The following LAMA3 variants were observed in gnomAD, a reference collection of about 807,000 sequenced individuals.
LAMA3 encodes the protein laminin subunit alpha 3.
A neutral mutation model predicts 402.0 loss-of-function variants in LAMA3; 281 were observed. The ratio of observed to expected loss-of-function variants is 0.70; its 90% confidence interval spans 0.63 to 0.77. The LOEUF (loss-of-function observed/expected upper bound fraction) is 0.77. Ranked by LOEUF, LAMA3 falls within the 30% of genes least tolerant of loss-of-function variation. LAMA3 has a pLI of 0.00. For synonymous variants in LAMA3, 1,431 were observed against 1,558.4 expected, an observed-to-expected ratio of 0.92 and a Z score of 1.93; for missense variants, 3,840 against 4,215.5, an observed-to-expected ratio of 0.91 and a Z score of 2.47.
chr18:23,723,973 C>G lies in LAMA3; in HGVS notation c.447+9901C>G, dbSNP rs554007915. ...GGGTGATCTGTCAGATTTTGGTGCA[C>G]CCGTCACCCAAGCAGTATACACTGC... On this transcript the variant is annotated intron_variant, in intron 2 of 74. Coordinates refer to ENST00000313654, the MANE Select transcript of LAMA3 (RefSeq NM_198129.4). Among the ~76,000 whole-genome samples the G allele has an allele frequency of 5.3e-5, 8 of 152,040 alleles. 1 individual carries two copies. Among genetic ancestry groups the G allele is most frequent in the African/African-American group, 1.9e-4 (8 of 41,448 alleles).
At position 23,857,979 on chromosome 18, in the gene LAMA3, C is replaced by T; in HGVS notation, c.4272C>T (p.Cys1424=). ...TGTGTGACCCAGGGACCGGGGCTTG[C>T]CTCTGCAAGGTAAGAGAGATCGTGC... is the stretch of plus-strand genomic sequence containing the variant. The part of the protein sequence containing the change: ...PGVCDPGTGA[C]LCKENVEGTE... The change falls in exon 33 of 75, where the codon TGC becomes TGT. Residue 1424 remains cysteine, a synonymous_variant. Coordinates refer to ENST00000313654, the MANE Select transcript of LAMA3 (RefSeq NM_198129.4). 6.2e-7 allele frequency: 1 copy of T among 1,614,096 alleles called. No individual in the cohort carries two copies. The highest frequency in any genetic ancestry group is 8.5e-7 in the Non-Finnish European group (1 of 1,180,018).
At chr18:23,821,986 A>G (rs1018290102) in intron 19 of LAMA3, among the ~76,000 whole-genome samples, 3 of 152,232 alleles carry the variant, frequency 2.0e-5, no homozygotes, top group African/African-American at 7.2e-5. Flanking sequence ...GATTACAAAA[A>G]GGTCAAAAGA....
At chr18:23,826,968 C>A (rs942636444) in intron 22 of LAMA3, among the ~76,000 whole-genome samples, 169 bp downstream of exon 22, 18 of 152,226 alleles carry the variant, frequency 1.2e-4, no homozygotes, top group African/African-American at 4.1e-4. Flanking sequence ...GTAAGATTCA[C>A]AAAGCACTTT....
chr18:23,864,622 G>GA, intron 35 of LAMA3, among the ~76,000 whole-genome samples, 163 bp from the exon 36 acceptor site: 1 of 152,192 alleles, frequency 6.6e-6, no homozygotes, highest in African/African-American at 2.4e-5. Context: ...GCATAAAGTA[G>GA]AAAAAATACC....
chr18:23,713,918 A>G lies in LAMA3; in HGVS notation c.295-2A>G. On this transcript the variant is annotated splice_acceptor_variant, in intron 1 of 74. Transcript: ENST00000313654. LOFTEE classifies it high-confidence loss of function. ...AAAAAAAACCCACTTTTTTTTTTTC[A>G]GGGCCAGTTCTGTGACTATTGCAAT... The G allele has an allele frequency of 6.3e-7, 1 of 1,597,024 alleles. No homozygotes were observed. The highest frequency in any genetic ancestry group is 8.5e-7 in the Non-Finnish European group (1 of 1,175,252).
intron 8 of LAMA3, among the ~76,000 whole-genome samples, chr18:23,764,169 A>G (rs1441001354): frequency 1.3e-5 from 2 of 152,188 alleles, no homozygotes; most frequent in Non-Finnish European, 2.9e-5. Flanking sequence ...CGTTCTTCAC[A>G]TGAGATGCCC....
chr18:23,935,821 C>A (rs965576851), intron 67 of LAMA3, among the ~76,000 whole-genome samples: 1 of 152,092 alleles, frequency 6.6e-6, no homozygotes, highest in Non-Finnish European at 1.5e-5. Flanking sequence ...GCATAAGATG[C>A]TACAGGAGTG....
At chr18:23,706,777 C>T (rs750491817) in intron 1 of LAMA3, among the ~76,000 whole-genome samples, 1 of 152,156 alleles carries the variant, frequency 6.6e-6, no homozygotes, top group Non-Finnish European at 1.5e-5. Context: ...AACTTAGGGG[C>T]TTAAAACAAC....
At chr18:23,900,796 T>C (rs1452826538) in intron 47 of LAMA3, among the ~76,000 whole-genome samples, 2 of 152,200 alleles carry the variant, frequency 1.3e-5, no homozygotes, top group African/African-American at 4.8e-5. Flanking sequence ...GGAAGGAGCA[T>C]GCACTTTACC....
Position 23,921,395 on chromosome 18 carries a change from G to GT in LAMA3, c.8044-56dup, listed in dbSNP as rs879130036. ...AAAAACATGATAGTTCTGAACCCCT[G>GT]TGAATAGGATTCTCTTATTTTCGCT... On this transcript the variant is annotated intron_variant, in intron 61 of 74. Coordinates refer to ENST00000313654, the MANE Select transcript of LAMA3 (RefSeq NM_198129.4). 10 of 1,583,328 alleles carry GT rather than the reference G, an allele frequency of 6.3e-6. No individual in the cohort carries two copies. The South Asian group carries it at 1.0e-4, about 16-fold the overall frequency.
chr18:23,933,585 A>G (rs962432940), intron 66 of LAMA3, among the ~76,000 whole-genome samples, 197 bp from the exon 67 acceptor site: 1 of 152,208 alleles, frequency 6.6e-6, no homozygotes, highest in African/African-American at 2.4e-5. Context: ...ACAATAAATC[A>G]TCATTAACTT....
At chr18:23,795,938 G>A in intron 12 of LAMA3, 1 of 269,218 alleles carries the variant, frequency 3.7e-6, no homozygotes, top group South Asian at 3.3e-5. Context: ...TAAGGGTGGA[G>A]CCCTGATCTG....
intron 42 of LAMA3, 135 bp downstream of exon 42, chr18:23,890,252 T>TA (rs2080613842): frequency 5.7e-6 from 4 of 703,538 alleles, no homozygotes; most frequent in South Asian, 1.5e-5. Flanking sequence ...GGATGCATAA[T>TA]ACACAATTCC....
intron 68 of LAMA3, 128 bp from the exon 69 acceptor site, chr18:23,943,660 T>C (rs1442073735): frequency 3.8e-6 from 3 of 797,668 alleles, no homozygotes; most frequent in Non-Finnish European, 6.6e-6. Context: ...ATTTAATCAG[T>C]ACCTACGTTA....
intron 73 of LAMA3, among the ~76,000 whole-genome samples, 163 bp from the exon 74 acceptor site, chr18:23,952,826 CT>C (rs1246814542): frequency 6.6e-6 from 1 of 152,212 alleles, no homozygotes; most frequent in African/African-American, 2.4e-5. Flanking sequence ...GAAGCACTAC[CT>C]GGTGTTTAGA....
At chr18:23,940,437 C>A (rs2082460739) in intron 68 of LAMA3, among the ~76,000 whole-genome samples, 1 of 152,246 alleles carries the variant, frequency 6.6e-6, no homozygotes, top group Admixed American at 6.5e-5. Context: ...GCAGCAGCTT[C>A]TCTTGGAGCA....
intron 52 of LAMA3, 88 bp from the exon 53 acceptor site, chr18:23,907,462 A>G (rs975010330): frequency 3.2e-6 from 3 of 926,972 alleles, no homozygotes; most frequent in African/African-American, 3.2e-5. Flanking sequence ...AATGCTGTGC[A>G]GACACTGGCT....
At chr18:23,751,329 C>G (rs1435514992) in intron 5 of LAMA3, among the ~76,000 whole-genome samples, 2 of 152,072 alleles carry the variant, frequency 1.3e-5, no homozygotes, top group African/African-American at 4.8e-5. Context: ...TATAGTCAGC[C>G]TGGTACTAGT....
intron 24 of LAMA3, among the ~76,000 whole-genome samples, chr18:23,835,783 G>A (rs2063570275): frequency 6.6e-6 from 1 of 152,034 alleles, no homozygotes; most frequent in Admixed American, 6.6e-5. Context: ...TAAATGACAG[G>A]CCCTTTCAGT....
Sources: gnomAD v4.1 joint callset for allele counts (sites outside exome capture counted in the v4.1 genomes callset) on GRCh38, gnomAD v4.1.1 for gene constraint, MANE v1.5 for transcripts, NCBI Gene and HGNC (gene_info 2026-07-23, HGNC 2026-07-21) for gene names.